NLRC5: variants seen among roughly 807,000 people sequenced by gnomAD.
NLRC5 encodes the protein NLR family CARD domain containing 5, also known as protein NLRC5.
NLRC5 carries 114 observed loss-of-function variants against 206.9 expected under a neutral mutation model. The ratio of observed to expected loss-of-function variants is 0.55; its 90% CI spans 0.47 to 0.64. NLRC5 has a LOEUF of 0.64. Ranked by LOEUF, NLRC5 falls within the 30% of genes least tolerant of loss-of-function variation. NLRC5 has a pLI of 0.00. For missense variants in NLRC5, 2,008 were observed against 2,305.5 expected (o/e 0.87, Z 2.64); for synonymous variants, 952 against 962.8 (o/e 0.99, Z 0.21).
Position 57,055,068 on chromosome 16 carries a change from CGAG to C in NLRC5, c.3642_3644del (p.Glu1215del). The C allele has an allele frequency of 6.2e-7, 1 of 1,614,220 alleles. No homozygotes were observed. Among genetic ancestry groups the C allele is most frequent in the Non-Finnish European group, 8.5e-7 (1 of 1,180,044 alleles). On this transcript the variant is annotated inframe_deletion, in exon 26 of 49. Transcript: ENST00000688547. Reference sequence around the variant, plus strand: ...ATGCAACTTTGCACTTCAGATCCAACGAGGAGGAGGAAGGCGTGTGCTGTGGGT... The same window carrying C: ...ATGCAACTTTGCACTTCAGATCCAACGAGGAGGAAGGCGTGTGCTGTGGGT...
Position 57,026,217 on chromosome 16 carries a change from C to A in NLRC5, c.1274C>A (p.Pro425Gln). 6.2e-7 allele frequency: 1 copy of A among 1,613,758 alleles called. No homozygotes were observed. The highest frequency in any genetic ancestry group is 8.5e-7 in the Non-Finnish European group (1 of 1,180,040). The change falls in exon 6 of 49, where the codon CCA becomes CAA. Residue 425 changes from proline to glutamine, a missense_variant. Physicochemically the swap from Pro to Gln is moderately conservative, Grantham distance 76. Transcript: ENST00000688547. ...CLHHLLPDHA[P>Q]GQSVALLPNM... Reference sequence around the variant, plus strand: ...CACCATCTGCTTCCTGACCACGCCCCAGGCCAGTCTGTGGCCCTCCTGCCC... The same window carrying A: ...CACCATCTGCTTCCTGACCACGCCCAAGGCCAGTCTGTGGCCCTCCTGCCC...
At chr16:57,080,846 A>G (rs1351894350) in intron 46 of NLRC5, 33 of 508,784 alleles carry the variant, frequency 6.5e-5, no homozygotes, top group African/African-American at 3.9e-5. Flanking sequence ...CAGGAGGTAC[A>G]TGTATGTGGC....
chr16:57,062,407 G>A (rs754462705), intron 32 of NLRC5: 3 of 307,200 alleles, frequency 9.8e-6, no homozygotes, highest in African/African-American at 4.5e-5. Flanking sequence ...GCATTTGCAC[G>A]GGATGGCGAT....
chr16:56,995,913 T>C (rs2057544677), intron 1 of NLRC5, among the ~76,000 whole-genome samples: 1 of 152,192 alleles, frequency 6.6e-6, no homozygotes, highest in African/African-American at 2.4e-5. Flanking sequence ...AAGAGGATTT[T>C]AGGAGGTATG....
intron 28 of NLRC5, chr16:57,058,633 A>T: frequency 2.7e-6 from 1 of 367,916 alleles, no homozygotes; most frequent in South Asian, 3.3e-5. Flanking sequence ...CAGCTCCAGG[A>T]CACCACTTGT....
At chr16:57,073,723 A>G (rs2068042406) in intron 38 of NLRC5, among the ~76,000 whole-genome samples, 1 of 152,118 alleles carries the variant, frequency 6.6e-6, no homozygotes, top group Non-Finnish European at 1.5e-5. Flanking sequence ...CCTCCCAAGT[A>G]GCTGGCATTA....
At chr16:57,066,020 C>A (rs1386997116) in intron 33 of NLRC5, among the ~76,000 whole-genome samples, 2 of 152,200 alleles carry the variant, frequency 1.3e-5, no homozygotes, top group African/African-American at 4.8e-5. Context: ...CATCCCCTAC[C>A]CCACCCTTCC....
At chr16:57,019,508 C>G (rs530493077) in intron 2 of NLRC5, among the ~76,000 whole-genome samples, 37 of 152,308 alleles carry the variant, frequency 2.4e-4, no homozygotes, top group South Asian at 1.7e-3. Context: ...CACTAAACAA[C>G]AGTGGCTTAA....
At position 57,033,667 on chromosome 16, in the gene NLRC5, C is replaced by T. The variant is rs768803333; in HGVS notation, c.2541C>T (p.Leu847=). 8.7e-6 allele frequency: 14 copies of T among 1,613,680 alleles called. No homozygotes were observed. The highest frequency in any genetic ancestry group is 1.1e-5 in the Non-Finnish European group (13 of 1,179,810). The change falls in exon 12 of 49, where the codon CTC becomes CTT. Residue 847 remains leucine (L), a splice_region_variant and synonymous_variant. Transcript: ENST00000688547. ...RKGAQSRSLT[L]RLQKCQLQVH... ...GGGCTCAGAGCAGAAGCTTGACGCT[C>T]AGGTACCTTGGAGGGATCTATTGCC...
chr16:57,039,820 G>T lies in NLRC5; in HGVS notation c.2841G>T (p.Glu947Asp). 1 of 1,614,200 alleles carries T rather than the reference G, an allele frequency of 6.2e-7. No homozygotes were observed. The highest frequency in any genetic ancestry group is 1.6e-4 in the Middle Eastern group (1 of 6,062). Residue 947 changes from glutamate (E) to aspartate (D), a missense_variant, in exon 16 of 49, where the codon GAG becomes GAT. By Grantham distance (45) the Glu-to-Asp change is conservative. Transcript: ENST00000688547. ...HKTVIFMFAQ[E>D]PEEQKGPQER... ...CTGTGATCTTCATGTTTGCCCAGGAGCCAGAGGAGCAGAAGGGGCCCCAGG... is the reference window on the plus strand; with the variant it reads ...CTGTGATCTTCATGTTTGCCCAGGATCCAGAGGAGCAGAAGGGGCCCCAGG...
At chr16:57,013,198 A>C in intron 1 of NLRC5, 1 of 430,690 alleles carries the variant, frequency 2.3e-6, no homozygotes. Flanking sequence ...TTCTAACTTC[A>C]TTAAAGGTTG....
rs2065453765 is a variant in NLRC5, at chr16:57,055,161, G to A, written c.3659+67G>A. 3.2e-6 allele frequency: 5 copies of A among 1,553,328 alleles called. No homozygotes were observed. In the Admixed American group the frequency reaches 6.7e-5, roughly 21 times the overall value. On this transcript the variant is annotated intron_variant, in intron 26 of 48. Coordinates refer to ENST00000688547, the MANE Select transcript of NLRC5 (RefSeq NM_001384950.1). ...GGGGACCAGTAGATCTGCCTCCTGG[G>A]TGGCCAGAGCAGTATGCAGACTGCC...
At chr16:57,070,992 T>C (rs2067630548) in intron 38 of NLRC5, among the ~76,000 whole-genome samples, 3 of 87,716 alleles carry the variant, frequency 3.4e-5, no homozygotes, top group Non-Finnish European at 7.5e-5. Context: ...TGGTGGTTAA[T>C]GGGGAAGGGT....
intron 13 of NLRC5, 66 bp downstream of exon 13, chr16:57,034,317 T>A: frequency 1.1e-6 from 1 of 882,446 alleles, no homozygotes; most frequent in Non-Finnish European, 1.8e-6. Context: ...GGGCAGGGCC[T>A]CGCCTTTGGG....
chr16:57,015,497 G>A (rs112047674), intron 1 of NLRC5, among the ~76,000 whole-genome samples: 2,561 of 152,146 alleles, frequency 0.017, 72 homozygotes, highest in African/African-American at 0.059. Context: ...CATGCCTGCA[G>A]TCCCAGCTAC....
chr16:56,990,139 TA>T (rs2142036182), intron 1 of NLRC5, among the ~76,000 whole-genome samples: 1 of 152,294 alleles, frequency 6.6e-6, no homozygotes, highest in South Asian at 2.1e-4. Flanking sequence ...GGTTTTCATA[TA>T]ATGAAGCCCC....
intron 11 of NLRC5, among the ~76,000 whole-genome samples, chr16:57,033,227 C>T (rs1402546383): frequency 6.6e-6 from 1 of 152,210 alleles, no homozygotes; most frequent in African/African-American, 2.4e-5. Context: ...CTTCTGTTTA[C>T]TAACCTTCGA....
In NLRC5 at chr16:57,046,547, C is replaced by T; in HGVS notation, c.3249-5C>T. ...ACTTTCCTTTCTAAATGATCCCCCTCCTAGGGATATGTGGGCCACTGGATC... is the reference window on the plus strand; with the variant it reads ...ACTTTCCTTTCTAAATGATCCCCCTTCTAGGGATATGTGGGCCACTGGATC... On this transcript the variant is annotated splice_region_variant and splice_polypyrimidine_tract_variant and intron_variant, in intron 21 of 48. Coordinates refer to ENST00000688547, the MANE Select transcript of NLRC5 (RefSeq NM_001384950.1). 6.2e-7 allele frequency: 1 copy of T among 1,613,244 alleles called. No individual in the cohort carries two copies. Among genetic ancestry groups the T allele is most frequent in the African/African-American group, 1.3e-5 (1 of 74,996 alleles).
chr16:57,057,350 G>A (rs907464895), intron 27 of NLRC5, among the ~76,000 whole-genome samples: 2 of 152,236 alleles, frequency 1.3e-5, no homozygotes, highest in Admixed American at 6.5e-5. Context: ...CTTGAACCTG[G>A]GAGACAGAGG....
Sources: gnomAD v4.1 joint callset for allele counts (sites outside exome capture counted in the v4.1 genomes callset) on GRCh38, gnomAD v4.1.1 for gene constraint, MANE v1.5 for transcripts, NCBI Gene and HGNC (gene_info 2026-07-23, HGNC 2026-07-21) for gene names.